The following USP9X variants were observed in gnomAD, a reference collection of about 807,000 sequenced individuals.
USP9X encodes ubiquitin specific peptidase 9 X-linked, also known as ubiquitin carboxyl-terminal hydrolase 9X.
A neutral mutation model predicts 190.3 loss-of-function variants in USP9X; 7 were observed. That is an observed-to-expected ratio of 0.04 (90% CI 0.02 to 0.07). USP9X has a LOEUF of 0.07. Among genes scored for constraint, USP9X ranks in the 10% least tolerant of loss-of-function variants. The pLI is 1.00. For missense variants in USP9X, 1,010 were observed against 1,916.9 expected (o/e 0.53, Z 8.83); for synonymous variants, 645 against 659.5 (o/e 0.98, Z 0.34).
chrX:41,170,304 C>A (rs755308018), intron 19 of USP9X, 69 bp downstream of exon 19: 9 of 1,111,411 alleles, frequency 8.1e-6, no homozygotes, highest in Non-Finnish European at 1.1e-5. Flanking sequence ...TCAGTAAATA[C>A]TAATTGAGCA....
At chrX:41,132,032 T>G (rs2062323130) in intron 4 of USP9X, among the ~76,000 whole-genome samples, 1 of 111,691 alleles carries the variant, frequency 9.0e-6, no homozygotes, top group Admixed American at 9.5e-5. Flanking sequence ...TTAGGATGTG[T>G]GGCTCTTTGT....
intron 20 of USP9X, among the ~76,000 whole-genome samples, chrX:41,171,373 A>G (rs1279705803): frequency 8.9e-6 from 1 of 112,119 alleles, no homozygotes; most frequent in Non-Finnish European, 1.9e-5. Context: ...ACTATGTAGG[A>G]AAATACCTGT....
At chrX:41,182,990 G>A (rs975087277) in intron 21 of USP9X, among the ~76,000 whole-genome samples, 1 of 107,113 alleles carries the variant, frequency 9.3e-6, no homozygotes, top group Admixed American at 1.0e-4. Context: ...CCAGGCTGGA[G>A]TGCAGTGGCG....
intron 17 of USP9X, among the ~76,000 whole-genome samples, 175 bp downstream of exon 17, chrX:41,167,752 A>G (rs376630447): frequency 3.6e-5 from 4 of 112,269 alleles, no homozygotes; most frequent in South Asian, 3.7e-4. Flanking sequence ...AAGAAAGTCT[A>G]TGTGAATTCA....
intron 6 of USP9X, among the ~76,000 whole-genome samples, chrX:41,138,353 C>T (rs554656041): frequency 9.0e-6 from 1 of 111,561 alleles, no homozygotes; most frequent in South Asian, 3.7e-4. Context: ...TCCTGTTCTC[C>T]AAAAGTGGTA....
chrX:41,211,549 T>TA (rs1344121185), intron 33 of USP9X, among the ~76,000 whole-genome samples: 8 of 113,689 alleles, frequency 7.0e-5, no homozygotes, highest in South Asian at 3.5e-4. Flanking sequence ...AAACCTATTG[T>TA]AAAAAAAGAT....
chrX:41,139,199 A>G (rs1258869965), intron 6 of USP9X, among the ~76,000 whole-genome samples: 2 of 112,530 alleles, frequency 1.8e-5, no homozygotes, highest in Non-Finnish European at 3.8e-5. Flanking sequence ...GTACTTTCTT[A>G]CAATTGCTGA....
At chrX:41,141,513 T>C in intron 9 of USP9X, 82 bp downstream of exon 9, 1 of 931,460 alleles carries the variant, frequency 1.1e-6, no homozygotes, top group Admixed American at 4.5e-5. Context: ...AAAAAATTAG[T>C]AATAGTAACA....
chrX:41,167,853 C>A (rs1198692374), intron 17 of USP9X, among the ~76,000 whole-genome samples, 154 bp from the exon 18 acceptor site: 1 of 112,295 alleles, frequency 8.9e-6, no homozygotes, highest in Non-Finnish European at 1.9e-5. Flanking sequence ...AATAAACATA[C>A]ATTTTATTAT....
rs994529635 is a variant in USP9X at position 41,236,527 on chromosome X, TCA to T, written c.*4006_*4007del. Reference sequence around the variant, plus strand: ...GCCAACAGACTGACATGAAGATTGTTCACAGTTCCTAAGATTTAGCACATATA... The same window carrying T: ...GCCAACAGACTGACATGAAGATTGTTCAGTTCCTAAGATTTAGCACATATA... On this transcript the variant is annotated 3_prime_UTR_variant, in exon 45 of 45. Transcript: ENST00000378308. The T allele has an allele frequency of 4.4e-5, 5 of 112,690 alleles. No individual in the cohort carries two copies. Among genetic ancestry groups the T allele is most frequent in the African/African-American group, 1.6e-4 (5 of 30,973 alleles). The allele number at this position is 112,690 out of a possible 1,213,427, so 9.3% of individuals were successfully genotyped here.
intron 29 of USP9X, 110 bp downstream of exon 29, chrX:41,197,620 T>TTTTTAAGAA: frequency 1.4e-6 from 1 of 704,627 alleles, no homozygotes; most frequent in Non-Finnish European, 1.9e-6. Flanking sequence ...TCTTGATCTT[T>TTTTTAAGAA]TCTCTTTTTT....
In USP9X at chrX:41,170,504, A is replaced by G; in HGVS notation, c.2912A>G (p.Asn971Ser). The change falls in exon 20 of 45, where the codon AAT (asparagine) becomes AGT (serine). Residue 971 changes from asparagine (N) to serine (S), a missense_variant. Transcript: ENST00000378308. ...GCCAAACTTACACAGATAAGTTCCA[A>G]TATGCCTTCAAGCCCTGATAGCTCT... The part of the protein sequence containing the change: ...ITAKLTQISS[N>S]MPSSPDSSSD... 1 of 1,211,194 alleles carries G rather than the reference A, an allele frequency of 8.3e-7. No homozygotes were observed. Among genetic ancestry groups the G allele is most frequent in the Non-Finnish European group, 1.1e-6 (1 of 895,039 alleles).
rs777052536 is a variant in USP9X, at chrX:41,125,303, T to G, written c.96+1579T>G. Among the ~76,000 whole-genome samples, 106 of 109,743 alleles carry G rather than the reference T, an allele frequency of 9.7e-4. No individual in the cohort carries two copies. The Admixed American group carries it at 0.01, about 10-fold the overall frequency. On this transcript the variant is annotated intron_variant, in intron 2 of 44. Coordinates refer to ENST00000378308, the MANE Select transcript of USP9X (RefSeq NM_001039591.3). ...GTTGGTCAGGCTGGTCTCGAACTCC[T>G]TACCTTGTGATCCGCCTGCCTTGGG...
At chrX:41,115,670 A>G (rs1337671793) in intron 1 of USP9X, among the ~76,000 whole-genome samples, 1 of 112,310 alleles carries the variant, frequency 8.9e-6, no homozygotes, top group Non-Finnish European at 1.9e-5. Context: ...GTACTTCCAT[A>G]TATTCTCCTA....
chrX:41,177,317 C>T (rs7066921), intron 21 of USP9X, among the ~76,000 whole-genome samples: 14,788 of 111,795 alleles, frequency 0.13, 877 homozygotes, highest in East Asian at 0.22. Flanking sequence ...GTATCTCTTT[C>T]AGTTGTCTTT....
chrX:41,135,609 C>CG (rs1355367005), intron 5 of USP9X, among the ~76,000 whole-genome samples: 2 of 111,238 alleles, frequency 1.8e-5, no homozygotes, highest in East Asian at 5.6e-4. Context: ...CATAACTACT[C>CG]TAAGTCTCTG....
intron 4 of USP9X, among the ~76,000 whole-genome samples, chrX:41,133,401 T>A (rs1056494955): frequency 9.0e-6 from 1 of 111,640 alleles, no homozygotes; most frequent in African/African-American, 3.3e-5. Context: ...TATTTTGGGG[T>A]AATGAGATAT....
At chrX:41,133,646 A>G (rs2062344308) in intron 4 of USP9X, among the ~76,000 whole-genome samples, 1 of 112,098 alleles carries the variant, frequency 8.9e-6, no homozygotes, top group East Asian at 2.8e-4. Flanking sequence ...CCGTGAGTTC[A>G]ATTGTTTGAT....
At chrX:41,181,272 CTTT>C (rs769952292) in intron 21 of USP9X, among the ~76,000 whole-genome samples, 6 of 75,429 alleles carry the variant, frequency 8.0e-5, no homozygotes, top group Admixed American at 3.3e-4. Context: ...TTTCTCATTT[CTTT>C]TTTTTTTTTT....
Sources: gnomAD v4.1 joint callset for allele counts (sites outside exome capture counted in the v4.1 genomes callset) on GRCh38, gnomAD v4.1.1 for gene constraint, MANE v1.5 for transcripts, NCBI Gene and HGNC (gene_info 2026-07-23, HGNC 2026-07-21) for gene names.